ANGPTL5: variants seen among roughly 807,000 people sequenced by gnomAD.
The protein encoded by ANGPTL5 is angiopoietin like 5, also known as angiopoietin-related protein 5.
In ANGPTL5, 34 loss-of-function variants were observed where a neutral mutation model predicts 39.4. The observed-to-expected ratio is 0.86, with a 90% confidence interval of 0.66 to 1.15. The LOEUF is 1.15. Among genes scored for constraint, ANGPTL5 ranks in the 50% most tolerant of loss-of-function variants. The pLI, the probability that ANGPTL5 is intolerant of heterozygous loss-of-function variation, is 0.00. For missense variants in ANGPTL5, 467 were observed against 457.5 expected, an observed-to-expected ratio of 1.02 and a Z score of -0.19; for synonymous variants, 146 against 152.1, an observed-to-expected ratio of 0.96 and a Z score of 0.29.
At position 101,907,920 on chromosome 11, in the gene ANGPTL5, G is replaced by C. The variant is rs1294025974; in HGVS notation, c.-11C>G. 4 of 1,554,182 alleles carry C rather than the reference G, an allele frequency of 2.6e-6. No individual in the cohort carries two copies. In the East Asian group the frequency reaches 9.0e-5, roughly 35 times the overall value. ...GGATGGAGACATCATATTTTTCTTG[G>C]ATAGATGAAAACACTTCTTCAAATA... On this transcript the variant is annotated 5_prime_UTR_variant, in exon 2 of 9. It adds an upstream start codon to the 5' untranslated region. Coordinates refer to ENST00000334289, the MANE Select transcript of ANGPTL5 (RefSeq NM_178127.5).
chr11:101,896,273 C>A (rs972721469), intron 7 of ANGPTL5, among the ~76,000 whole-genome samples: 1 of 151,132 alleles, frequency 6.6e-6, no homozygotes, highest in African/African-American at 2.4e-5. Flanking sequence ...ACTTCCGCCT[C>A]CCCCCAGTTC....
chr11:101,913,685 A>G (rs1940132774), intron 1 of ANGPTL5, among the ~76,000 whole-genome samples: 1 of 152,186 alleles, frequency 6.6e-6, no homozygotes, highest in Non-Finnish European at 1.5e-5. Flanking sequence ...GCAAACTAAT[A>G]ATATAGCAAA....
chr11:101,910,684 TGA>T (rs1187268000), intron 1 of ANGPTL5, among the ~76,000 whole-genome samples: 1 of 152,144 alleles, frequency 6.6e-6, no homozygotes, highest in East Asian at 1.9e-4. Context: ...GCCAAAAATC[TGA>T]GTCACATTTG....
intron 1 of ANGPTL5, among the ~76,000 whole-genome samples, chr11:101,910,430 T>A (rs886736740): frequency 8.9e-5 from 13 of 146,170 alleles, no homozygotes; most frequent in Admixed American, 1.4e-4. Context: ...AAAAAATATA[T>A]ATATATATAT....
chr11:101,898,042 G>A (rs564553487), intron 7 of ANGPTL5, among the ~76,000 whole-genome samples: 1 of 151,998 alleles, frequency 6.6e-6, no homozygotes, highest in Non-Finnish European at 1.5e-5. Context: ...TGATCAACAT[G>A]GTGAAACCCC....
chr11:101,908,837 G>A (rs933734322), intron 1 of ANGPTL5, among the ~76,000 whole-genome samples: 4 of 149,904 alleles, frequency 2.7e-5, no homozygotes, highest in African/African-American at 9.8e-5. Flanking sequence ...TCTGTAATTA[G>A]TTGTAATCTA....
Position 101,907,239 on chromosome 11 carries a change from T to C in ANGPTL5, c.105A>G (p.Ser35=), listed in dbSNP as rs757602312. 12 of 1,493,856 alleles carry C rather than the reference T, an allele frequency of 8.0e-6. 1 individual carries two copies. Among genetic ancestry groups the C allele is most frequent in the South Asian group, 1.2e-5 (1 of 83,662 alleles). 92.5% of individuals were successfully genotyped at this position (1,493,856 alleles called of 1,614,324 possible). A position where few individuals can be genotyped will look rare whatever the true frequency, so the allele number is the denominator to read the frequency against. Residue 35 remains serine, a synonymous_variant, in exon 3 of 9, where the codon TCA becomes TCG. Coordinates refer to ENST00000334289, the MANE Select transcript of ANGPTL5 (RefSeq NM_178127.5). ...GNCVHHSTDS[S]VVNIVEDGSN... is the part of the protein sequence containing the mutation. ...ATCCATCTTCTACAATGTTAACTAC[T>C]GAAGAGTCCTTTATATTAAAAAATA...
intron 8 of ANGPTL5, among the ~76,000 whole-genome samples, chr11:101,893,351 TG>T (rs1198290063): frequency 6.6e-6 from 1 of 152,228 alleles, no homozygotes; most frequent in African/African-American, 2.4e-5. Flanking sequence ...TCTCTGTTTT[TG>T]CTCCAAGCTC....
chr11:101,908,498 G>A (rs1386075381), intron 1 of ANGPTL5, among the ~76,000 whole-genome samples: 1 of 152,120 alleles, frequency 6.6e-6, no homozygotes, highest in Non-Finnish European at 1.5e-5. Context: ...AAATCTCAAC[G>A]CTGGGCGCAG....
At chr11:101,913,381 A>G (rs1298364319) in intron 1 of ANGPTL5, among the ~76,000 whole-genome samples, 1 of 152,188 alleles carries the variant, frequency 6.6e-6, no homozygotes, top group East Asian at 1.9e-4. Context: ...AGCTCCTCCT[A>G]TATCCTATAA....
chr11:101,910,271 G>A (rs1472491406), intron 1 of ANGPTL5, among the ~76,000 whole-genome samples: 2 of 151,786 alleles, frequency 1.3e-5, no homozygotes, highest in African/African-American at 2.4e-5. Flanking sequence ...TTAGCTGGGC[G>A]TGGTGGCGCA....
At chr11:101,912,526 G>A (rs1940107015) in intron 1 of ANGPTL5, among the ~76,000 whole-genome samples, 1 of 152,096 alleles carries the variant, frequency 6.6e-6, no homozygotes, top group Non-Finnish European at 1.5e-5. Flanking sequence ...TAAATAGAAT[G>A]TGGAAAACCC....
chr11:101,902,780 T>G, intron 5 of ANGPTL5, 59 bp from the exon 6 acceptor site: 2 of 1,113,152 alleles, frequency 1.8e-6, no homozygotes, highest in Admixed American at 3.4e-5. Context: ...AGGCAATCAT[T>G]TTACTATAGA....
At chr11:101,905,681 C>T (rs1484751560) in intron 4 of ANGPTL5, 63 bp downstream of exon 4, 39 of 1,152,506 alleles carry the variant, frequency 3.4e-5, no homozygotes, top group Non-Finnish European at 5.0e-5. Flanking sequence ...AAAGATTATA[C>T]CTCCAGCTAA....
chr11:101,896,079 A>G (rs1012775573), intron 7 of ANGPTL5, among the ~76,000 whole-genome samples: 2 of 152,090 alleles, frequency 1.3e-5, no homozygotes, highest in South Asian at 2.1e-4. Flanking sequence ...CAACACTTCA[A>G]TTTAAGTGCC....
At chr11:101,897,140 G>A (rs762189877) in intron 7 of ANGPTL5, among the ~76,000 whole-genome samples, 10 of 152,134 alleles carry the variant, frequency 6.6e-5, no homozygotes, top group Non-Finnish European at 1.0e-4. Flanking sequence ...GTGGTTGGCC[G>A]CTTAAATGTC....
intron 5 of ANGPTL5, 89 bp from the exon 6 acceptor site, chr11:101,902,810 CAT>C: frequency 2.7e-6 from 2 of 736,358 alleles, no homozygotes; most frequent in Non-Finnish European, 4.5e-6. Flanking sequence ...GTGCTATTAT[CAT>C]AATTTTCATT....
intron 5 of ANGPTL5, among the ~76,000 whole-genome samples, chr11:101,903,726 C>T (rs764464666): frequency 4.6e-5 from 7 of 152,214 alleles, no homozygotes; most frequent in East Asian, 3.9e-4. Flanking sequence ...AAGAAGTTCA[C>T]GCTGAAGGAC....
intron 1 of ANGPTL5, chr11:101,915,035 C>A (rs1056382134): frequency 1.8e-5 from 8 of 439,942 alleles, no homozygotes; most frequent in Non-Finnish European, 2.8e-5. Context: ...GTCAAGATGG[C>A]GGCTGCAGGG....
Sources: allele counts gnomAD v4.1 joint callset (sites outside exome capture counted in the v4.1 genomes callset), GRCh38; gene constraint gnomAD v4.1.1; transcripts MANE v1.5; gene names NCBI Gene and HGNC (gene_info 2026-07-23, HGNC 2026-07-21).